DGKZ: variants seen among roughly 807,000 people sequenced by gnomAD.
The protein encoded by DGKZ is diacylglycerol kinase zeta.
Under a neutral mutation model 142.5 loss-of-function variants are expected in DGKZ, and 45 were observed. That is an observed-to-expected ratio of 0.32 (90% confidence interval 0.25 to 0.40). DGKZ has a LOEUF of 0.40. Ranked by LOEUF, DGKZ falls within the 10% of genes least tolerant of loss-of-function variation. The pLI, the probability that DGKZ is intolerant of heterozygous loss-of-function variation, is 1.00. For missense variants in DGKZ, 755 were observed against 1,306.5 expected (o/e 0.58, Z 6.51); for synonymous variants, 442 against 527.0 (o/e 0.84, Z 2.21).
chr11:46,357,797 TC>T (rs770416499), intron 1 of DGKZ, among the ~76,000 whole-genome samples: 57 of 152,276 alleles, frequency 3.7e-4, no homozygotes, highest in Non-Finnish European at 6.6e-4. Context: ...GGAGGGGTGT[TC>T]CGTTGGCTGT....
intron 5 of DGKZ, 74 bp from the exon 6 acceptor site, chr11:46,369,867 G>T (rs1298330749): frequency 4.6e-6 from 7 of 1,521,816 alleles, no homozygotes; most frequent in Non-Finnish European, 6.4e-6. Context: ...CGTGTGTTGA[G>T]CCGTGTGGGC....
chr11:46,360,144 G>A (rs762008679), intron 1 of DGKZ, among the ~76,000 whole-genome samples: 182 of 152,252 alleles, frequency 1.2e-3, no homozygotes, highest in Non-Finnish European at 2.0e-3. Context: ...GAATCCAGCT[G>A]CCTTCTATTA....
chr11:46,338,333 TA>T (rs1184083272), intron 1 of DGKZ, among the ~76,000 whole-genome samples: 2 of 151,490 alleles, frequency 1.3e-5, no homozygotes, highest in Non-Finnish European at 2.9e-5. Context: ...CCACCTCTAC[TA>T]AAAATACAAA....
chr11:46,372,945 C>G lies in DGKZ; in HGVS notation c.1186-16C>G. On this transcript the variant is annotated splice_polypyrimidine_tract_variant and intron_variant, in intron 13 of 30. Transcript: ENST00000527911. This position sits in a 1 kb window ranked among gnomAD's most constrained non-coding sequence, Gnocchi z 5.9. Reference sequence around the variant, plus strand: ...TCTCCAGCCACAGAGGGCTCAGTCCCTGCCTGCTCCCCCAGGGCTACACAG... The same window carrying G: ...TCTCCAGCCACAGAGGGCTCAGTCCGTGCCTGCTCCCCCAGGGCTACACAG... 6.4e-7 allele frequency: 1 copy of G among 1,551,108 alleles called. No individual in the cohort carries two copies. Among genetic ancestry groups the G allele is most frequent in the Non-Finnish European group, 8.7e-7 (1 of 1,146,494 alleles).
chr11:46,379,087 G>A, exon 28 of DGKZ: 1 of 1,604,914 alleles, frequency 6.2e-7, no homozygotes, highest in Non-Finnish European at 8.5e-7. Flanking sequence ...CAGCAAGGAT[G>A]TGGTCCGCTA....
rs558285048 is a variant in DGKZ, at chr11:46,363,543, A to T, written c.162-3748A>T. On this transcript the variant is annotated intron_variant, in intron 1 of 30. Transcript: ENST00000527911. ...CTGGCAGTGTGTGGAGCCGGGCACC[A>T]CAGGAGCTCCTGTAAGCCGCCCTTG... 2.0e-5 allele frequency among the ~76,000 whole-genome samples: 3 copies of T among 152,276 alleles called. No homozygotes were observed. In the East Asian group the frequency reaches 5.8e-4, roughly 29 times the overall value.
chr11:46,339,648 C>G (rs1940180788), intron 1 of DGKZ, among the ~76,000 whole-genome samples: 1 of 152,346 alleles, frequency 6.6e-6, no homozygotes, highest in Non-Finnish European at 1.5e-5. Flanking sequence ...AGTCCCCGCA[C>G]CAAGGGGCAC....
In DGKZ at chr11:46,375,959, C is replaced by G; in HGVS notation, c.2011+8C>G. 1.2e-6 allele frequency: 2 copies of G among 1,610,386 alleles called. No homozygotes were observed. The highest frequency in any genetic ancestry group is 1.7e-6 in the Non-Finnish European group (2 of 1,178,912). On this transcript the variant is annotated splice_region_variant and intron_variant, in intron 21 of 30. Coordinates refer to ENST00000527911, the Ensembl canonical transcript of DGKZ. The stretch of plus-strand genomic sequence containing the variant: ...AGCAGCTCAAGGAGGCCTGTGAGTG[C>G]GGTGGGGCGGCCTGGCAGGGTGGCC...
At chr11:46,375,378 AC>A (rs1157119671) in intron 19 of DGKZ, 53 bp from the exon 20 acceptor site, 11 of 1,507,442 alleles carry the variant, frequency 7.3e-6, no homozygotes, top group Non-Finnish European at 8.0e-6. Context: ...AGAGTCTGGG[AC>A]CCCCCTGCCC....
chr11:46,380,190 G>T lies in DGKZ; in HGVS notation c.*243G>T, dbSNP rs1945060630. The T allele has an allele frequency of 6.4e-6, 3 of 466,286 alleles. No homozygotes were observed. In the South Asian group the frequency reaches 9.1e-5, roughly 14 times the overall value. The allele number at this position is 466,286 out of a possible 1,614,324, so 28.9% of individuals were successfully genotyped here. ...GGCTCACAGGGAACAAGACACGGCT[G>T]GGTTGGATATGCCTTTGCCGGGGTT... On this transcript the variant is annotated 3_prime_UTR_variant, in exon 31 of 31. Transcript: ENST00000527911.
chr11:46,362,431 C>T (rs1942770719), intron 1 of DGKZ, among the ~76,000 whole-genome samples: 1 of 152,162 alleles, frequency 6.6e-6, no homozygotes, highest in Admixed American at 6.5e-5. Context: ...GCTTCCCTTT[C>T]TGGGTTCCTG....
At chr11:46,333,097 G>T in exon 1 of DGKZ, 1 of 474,084 alleles carries the variant, frequency 2.1e-6, no homozygotes, top group Non-Finnish European at 3.3e-6. Flanking sequence ...CCTCTCCCAG[G>T]CGCAGCGCCC....
chr11:46,341,045 G>C (rs1940253328), intron 1 of DGKZ, among the ~76,000 whole-genome samples: 1 of 152,208 alleles, frequency 6.6e-6, no homozygotes, highest in African/African-American at 2.4e-5. Flanking sequence ...CTACTTAGGA[G>C]GCTGAGGCAG....
intron 27 of DGKZ, 108 bp from the exon 28 acceptor site, chr11:46,378,883 A>C: frequency 6.9e-7 from 1 of 1,452,364 alleles, no homozygotes; most frequent in Admixed American, 2.5e-5. Context: ...GTGTGAGCGC[A>C]CTCGTTTCAG....
intron 14 of DGKZ, 79 bp from the exon 15 acceptor site, chr11:46,374,078 G>A: frequency 1.3e-6 from 2 of 1,494,848 alleles, no homozygotes; most frequent in Non-Finnish European, 1.9e-6. Flanking sequence ...GGGCTGAGCT[G>A]GCTCGGCCAC....
In DGKZ at chr11:46,372,168, C is replaced by G; in HGVS notation, c.925C>G (p.Gln309Glu). The G allele has an allele frequency of 6.2e-7, 1 of 1,604,744 alleles. No homozygotes were observed. The highest frequency in any genetic ancestry group is 8.5e-7 in the Non-Finnish European group (1 of 1,174,520). ...TGTGAACCCCAAGAGTGGGGGCAAC[C>G]AGGTGAACGCGGCCTTGCCTCTCAG... Residue 309 changes from glutamine to glutamate, a missense_variant and splice_region_variant, in exon 10 of 31, where the codon CAG (glutamine) becomes GAG (glutamate). Coordinates refer to ENST00000527911, the Ensembl canonical transcript of DGKZ. The surrounding 1 kb of genome is among the most constrained non-coding windows in gnomAD (Gnocchi z 5.9).
At chr11:46,368,518 A>C in intron 4 of DGKZ, 1 of 342,320 alleles carries the variant, frequency 2.9e-6, no homozygotes, top group South Asian at 2.2e-5. Flanking sequence ...GTGCTTCTAG[A>C]GGTGGAGGCA....
chr11:46,366,445 C>A, intron 1 of DGKZ: 1 of 1,551,404 alleles, frequency 6.4e-7, no homozygotes, highest in Non-Finnish European at 8.7e-7. Flanking sequence ...TCCTGAGTTG[C>A]GGGGTGAGGG....
chr11:46,333,102 G>C, exon 1 of DGKZ: 1 of 493,986 alleles, frequency 2.0e-6, no homozygotes, highest in Non-Finnish European at 3.1e-6. Context: ...CCCAGGCGCA[G>C]CGCCCAGCAT....
Sources: gnomAD v4.1 joint callset for allele counts (sites outside exome capture counted in the v4.1 genomes callset) on GRCh38, gnomAD v4.1.1 for gene constraint, Gnocchi (gnomAD v3.1) non-coding constraint, MANE v1.5 for transcripts, NCBI Gene and HGNC (gene_info 2026-07-23, HGNC 2026-07-21) for gene names.